EMP2: variants seen among roughly 807,000 people sequenced by gnomAD.
The protein encoded by EMP2 is epithelial membrane protein 2.
EMP2 carries 19 observed loss-of-function variants against 13.7 expected under a neutral mutation model. The ratio of observed to expected loss-of-function variants is 1.38; its 90% confidence interval spans 0.97 to 2.03. EMP2 has a LOEUF of 2.03. EMP2 is among the 30% of genes most tolerant of loss of function. The pLI is 0.00. For missense variants in EMP2, 253 were observed against 220.7 expected (o/e 1.15, Z -0.93); for synonymous variants, 97 against 84.7 (o/e 1.15, Z -0.80).
intron 1 of EMP2, chr16:10,558,970 G>C (rs546631646): frequency 1.2e-4 from 19 of 152,394 alleles, no homozygotes; most frequent in African/African-American, 4.6e-4. Flanking sequence ...ACAATCCCGA[G>C]GTGTGGAACC....
intron 1 of EMP2, among the ~76,000 whole-genome samples, chr16:10,570,063 G>A (rs530657576): frequency 4.0e-5 from 6 of 150,376 alleles, no homozygotes; most frequent in East Asian, 1.9e-4. Flanking sequence ...GGGATACATC[G>A]CGATGGTTAC....
intron 4 of EMP2, among the ~76,000 whole-genome samples, chr16:10,535,464 G>T (rs1596367562): frequency 1.3e-5 from 2 of 152,228 alleles, no homozygotes; most frequent in African/African-American, 2.4e-5. Context: ...GCTGGGTGCG[G>T]TGGCTCATGC....
chr16:10,544,970 C>T (rs935922105), intron 2 of EMP2: 9 of 152,300 alleles, frequency 5.9e-5, no homozygotes, highest in African/African-American at 1.9e-4. Flanking sequence ...TCCCTGTGTG[C>T]TTTGGTGGCT....
intron 2 of EMP2, 41 bp from the exon 3 acceptor site, chr16:10,543,701 C>G: frequency 6.3e-7 from 1 of 1,597,362 alleles, no homozygotes; most frequent in Non-Finnish European, 8.6e-7. Context: ...GCCGTCCGTT[C>G]ATGATGCAAA....
chr16:10,548,782 C>T (rs1015719503), intron 1 of EMP2, among the ~76,000 whole-genome samples: 1 of 152,202 alleles, frequency 6.6e-6, no homozygotes, highest in African/African-American at 2.4e-5. Context: ...CCCATTTGAA[C>T]AACACTGGAC....
intron 1 of EMP2, among the ~76,000 whole-genome samples, chr16:10,574,778 C>T (rs975877281): frequency 3.3e-5 from 5 of 151,968 alleles, no homozygotes; most frequent in African/African-American, 1.2e-4. Context: ...TCTCGATCTC[C>T]TGACCTCACC....
intron 1 of EMP2, among the ~76,000 whole-genome samples, chr16:10,558,707 G>A (rs970630360): frequency 1.3e-5 from 2 of 151,964 alleles, no homozygotes; most frequent in African/African-American, 4.8e-5. Flanking sequence ...TAATAACCAC[G>A]AATCTCCACC....
intron 1 of EMP2, among the ~76,000 whole-genome samples, chr16:10,549,457 T>C (rs1262338293): frequency 6.6e-6 from 1 of 152,218 alleles, no homozygotes; most frequent in Admixed American, 6.5e-5. Context: ...TTGAGTATTT[T>C]ATAACCATCA....
intron 1 of EMP2, among the ~76,000 whole-genome samples, chr16:10,565,081 G>C (rs1417903330): frequency 6.6e-6 from 1 of 152,186 alleles, no homozygotes; most frequent in Admixed American, 6.5e-5. Flanking sequence ...TGCTAAAACA[G>C]GATGTCACTC....
chr16:10,537,346 T>C (rs2050655156), intron 4 of EMP2, among the ~76,000 whole-genome samples: 1 of 152,202 alleles, frequency 6.6e-6, no homozygotes, highest in South Asian at 2.1e-4. Flanking sequence ...GTTCATCTCT[T>C]GAGCCCCTGC....
At chr16:10,539,223 A>G (rs1419192295) in intron 3 of EMP2, among the ~76,000 whole-genome samples, 1 of 151,342 alleles carries the variant, frequency 6.6e-6, no homozygotes. Flanking sequence ...CAGAAAATCT[A>G]AGGACACACC....
chr16:10,569,297 A>C (rs1305181553), intron 1 of EMP2, among the ~76,000 whole-genome samples: 1 of 152,104 alleles, frequency 6.6e-6, no homozygotes, highest in African/African-American at 2.4e-5. Context: ...AAAACACATT[A>C]AGCTTAAATT....
At chr16:10,542,134 G>A (rs1214619130) in intron 3 of EMP2, among the ~76,000 whole-genome samples, 1 of 152,088 alleles carries the variant, frequency 6.6e-6, no homozygotes, top group Non-Finnish European at 1.5e-5. Context: ...TTTAGGAGAG[G>A]CATGGTGGCT....
rs1471251379 is a variant in EMP2 at position 10,531,096 on chromosome 16, T to G, written c.*1809A>C. ...AAGCGATTCTCCTGCCTCAGCCTCC[T>G]AAGTAGCTGGGATTACAGGCACCTG... On this transcript the variant is annotated 3_prime_UTR_variant, in exon 5 of 5. Transcript: ENST00000359543. The G allele has an allele frequency of 6.6e-6, 1 of 152,030 alleles. No individual in the cohort carries two copies. The highest frequency in any genetic ancestry group is 6.6e-5 in the Admixed American group (1 of 15,238). The allele number at this position is 152,030 out of a possible 1,614,324, so 9.4% of individuals were successfully genotyped here.
At chr16:10,553,974 G>C (rs1206447157) in intron 1 of EMP2, among the ~76,000 whole-genome samples, 2 of 151,830 alleles carry the variant, frequency 1.3e-5, no homozygotes, top group African/African-American at 4.8e-5. Flanking sequence ...TGTTCATACT[G>C]TGTCAGCCCT....
intron 1 of EMP2, among the ~76,000 whole-genome samples, chr16:10,567,694 C>A (rs890615414): frequency 5.3e-5 from 8 of 152,146 alleles, no homozygotes; most frequent in African/African-American, 1.7e-4. Context: ...TGGAGAGACT[C>A]GGGTTTCCCC....
intron 2 of EMP2, chr16:10,544,512 A>AGC (rs2050724976): frequency 6.6e-6 from 1 of 152,350 alleles, no homozygotes; most frequent in Non-Finnish European, 1.5e-5. Context: ...GCTCCAGGTG[A>AGC]TGCCCTGCTA....
intron 3 of EMP2, among the ~76,000 whole-genome samples, chr16:10,540,909 A>G (rs2050691000): frequency 6.6e-6 from 1 of 152,032 alleles, no homozygotes; most frequent in Non-Finnish European, 1.5e-5. Context: ...GCAACATGGT[A>G]AAACCCTGTC....
intron 1 of EMP2, among the ~76,000 whole-genome samples, chr16:10,552,245 T>C (rs912045804): frequency 6.6e-6 from 1 of 152,094 alleles, no homozygotes; most frequent in African/African-American, 2.4e-5. Context: ...ACCAGGGCCA[T>C]TAACTCCAGG....
Sources: gnomAD v4.1 joint callset for allele counts (sites outside exome capture counted in the v4.1 genomes callset) on GRCh38, gnomAD v4.1.1 for gene constraint, MANE v1.5 for transcripts, NCBI Gene and HGNC (gene_info 2026-07-23, HGNC 2026-07-21) for gene names.